Variants in UNC13B observed in about 807,000 individuals in gnomAD.
UNC13B encodes the protein unc-13 homolog B.
A neutral mutation model predicts 211.0 loss-of-function variants in UNC13B; 144 were observed. That is an observed-to-expected ratio of 0.68 (90% confidence interval 0.60 to 0.78). The LOEUF is 0.78. Among genes scored for constraint, UNC13B ranks in the 30% least tolerant of loss-of-function variants. UNC13B has a pLI of 0.00. For synonymous variants in UNC13B, 709 were observed against 725.8 expected, an observed-to-expected ratio of 0.98 and a Z score of 0.37; for missense variants, 1,777 against 2,002.0, an observed-to-expected ratio of 0.89 and a Z score of 2.14.
intron 11 of UNC13B, among the ~76,000 whole-genome samples, chr9:35,355,396 A>G (rs1832964240): frequency 6.6e-6 from 1 of 152,234 alleles, no homozygotes; most frequent in Non-Finnish European, 1.5e-5. Context: ...ATAAAGTTAC[A>G]TTTAAAAAAT....
At chr9:35,384,994 G>A (rs1835098537) in intron 22 of UNC13B, 1 of 965,154 alleles carries the variant, frequency 1.0e-6, no homozygotes, top group Non-Finnish European at 1.2e-6. Context: ...GGTTTTAATT[G>A]TCTGCACTCA....
chr9:35,403,222 A>G lies in UNC13B; in HGVS notation c.12540A>G (p.Thr4180=). ...TCTCTATTCAGGTGGACTTGTTTAC[A>G]CACCCTGGTACTGGGGAGCACAAGG... ...GEVSIQVDLF[T]HPGTGEHKVT... Residue 4180 remains threonine (T), a synonymous_variant, in exon 38 of 40, where the codon ACA becomes ACG. Transcript: ENST00000635942. 1 of 1,614,170 alleles carries G rather than the reference A, an allele frequency of 6.2e-7. No homozygotes were observed. The highest frequency in any genetic ancestry group is 1.1e-5 in the South Asian group (1 of 91,084).
chr9:35,308,260 G>A lies in UNC13B; in HGVS notation c.8856G>A (p.Gly2952=), dbSNP rs1180642240. The A allele has an allele frequency of 1.0e-5, 4 of 398,984 alleles. No individual in the cohort carries two copies. The highest frequency in any genetic ancestry group is 8.2e-5 in the African/African-American group (4 of 48,602). The allele number at this position is 398,984 out of a possible 1,614,324, so 24.7% of individuals were successfully genotyped here. ...ANLSSPACPS[G]KHEEEPSTVS... Reference sequence around the variant, plus strand: ...TGTCTAGCCCCGCCTGTCCTTCAGGGAAACATGAGGAAGAACCCTCCACTG... The same window carrying A: ...TGTCTAGCCCCGCCTGTCCTTCAGGAAAACATGAGGAAGAACCCTCCACTG... The change falls in exon 9 of 40, where the codon GGG becomes GGA. Residue 2952 remains glycine, a synonymous_variant. Coordinates refer to ENST00000635942, the MANE Select transcript of UNC13B (RefSeq NM_001371189.2).
chr9:35,173,099 A>C (rs1821421086), intron 1 of UNC13B, among the ~76,000 whole-genome samples: 1 of 152,198 alleles, frequency 6.6e-6, no homozygotes, highest in African/African-American at 2.4e-5. Context: ...GTTAGAGGGC[A>C]GGGAGGGAGA....
intron 11 of UNC13B, among the ~76,000 whole-genome samples, chr9:35,314,240 G>A (rs1338580075): frequency 2.6e-5 from 4 of 152,126 alleles, no homozygotes; most frequent in Non-Finnish European, 5.9e-5. Context: ...TTCAAGTACT[G>A]TTCATTGTCT....
At chr9:35,319,038 C>G (rs1349723932) in intron 11 of UNC13B, among the ~76,000 whole-genome samples, 11 of 152,174 alleles carry the variant, frequency 7.2e-5, no homozygotes, top group African/African-American at 2.7e-4. Context: ...AACTTCTACC[C>G]AGAAGTTATT....
intron 22 of UNC13B, chr9:35,385,276 A>G (rs747365520): frequency 3.1e-5 from 31 of 985,322 alleles, no homozygotes; most frequent in South Asian, 4.7e-5. Context: ...GCTGGGTTCT[A>G]TTGTACAAAA....
intron 6 of UNC13B, among the ~76,000 whole-genome samples, chr9:35,249,553 G>T (rs994982025): frequency 3.3e-5 from 5 of 152,062 alleles, no homozygotes; most frequent in Admixed American, 1.3e-4. Context: ...CATGCCTGGT[G>T]GTGACAAAAT....
At chr9:35,309,697 A>C (rs902986307) in intron 9 of UNC13B, among the ~76,000 whole-genome samples, 1 of 152,210 alleles carries the variant, frequency 6.6e-6, no homozygotes, top group Non-Finnish European at 1.5e-5. Flanking sequence ...ATAGAGATGC[A>C]TGAATACGGC....
chr9:35,348,728 A>G (rs941214446), intron 11 of UNC13B, among the ~76,000 whole-genome samples: 2 of 152,188 alleles, frequency 1.3e-5, no homozygotes, highest in Non-Finnish European at 2.9e-5. Context: ...ATATAATAAC[A>G]TTCCTGTAAT....
intron 6 of UNC13B, among the ~76,000 whole-genome samples, chr9:35,250,652 G>A (rs1826411278): frequency 6.6e-6 from 1 of 152,136 alleles, no homozygotes; most frequent in Non-Finnish European, 1.5e-5. Flanking sequence ...GTGGACATAT[G>A]TTTTCACTTC....
chr9:35,395,881 A>G (rs1298413803), intron 26 of UNC13B, among the ~76,000 whole-genome samples: 1 of 152,104 alleles, frequency 6.6e-6, no homozygotes, highest in Non-Finnish European at 1.5e-5. Context: ...TTCCCTGAGA[A>G]TTCATTTTTT....
intron 21 of UNC13B, among the ~76,000 whole-genome samples, chr9:35,382,975 A>G (rs4879894): frequency 0.081 from 12,283 of 152,226 alleles, 652 homozygotes; most frequent in East Asian, 0.3. Flanking sequence ...GGGTATGCGG[A>G]CTATACTAAT....
At position 35,381,194 on chromosome 9, in the gene UNC13B, G is replaced by T. The variant is rs2132255054; in HGVS notation, c.10470G>T (p.Val3490=). 1 of 1,614,030 alleles carries T rather than the reference G, an allele frequency of 6.2e-7. No homozygotes were observed. The highest frequency in any genetic ancestry group is 8.5e-7 in the Non-Finnish European group (1 of 1,179,978). ...KGEEKVAPYH[V]QYTCLHENLF... ...AGGAGAAAGTAGCCCCATACCACGTGCAGTATACATGTCTCCATGAGGTGA... is the reference window on the plus strand; with the variant it reads ...AGGAGAAAGTAGCCCCATACCACGTTCAGTATACATGTCTCCATGAGGTGA... Residue 3490 remains valine, a synonymous_variant, in exon 19 of 40, where the codon GTG becomes GTT. Transcript: ENST00000635942.
intron 7 of UNC13B, among the ~76,000 whole-genome samples, chr9:35,287,960 G>A (rs925171438): frequency 4.6e-5 from 7 of 151,416 alleles, no homozygotes; most frequent in East Asian, 1.9e-4. Context: ...TTTTTTTCTC[G>A]GTGAATGATG....
intron 8 of UNC13B, among the ~76,000 whole-genome samples, chr9:35,299,048 A>G (rs1268508938): frequency 6.6e-6 from 1 of 152,196 alleles, no homozygotes; most frequent in Non-Finnish European, 1.5e-5. Flanking sequence ...CCTGGCCAAC[A>G]TGGTGAAAAC....
chr9:35,391,752 G>A (rs1170823339), intron 26 of UNC13B, among the ~76,000 whole-genome samples: 1 of 152,194 alleles, frequency 6.6e-6, no homozygotes, highest in African/African-American at 2.4e-5. Flanking sequence ...GAAAACACCT[G>A]TGAAAAGTGA....
At chr9:35,274,261 T>TG (rs1461456241) in intron 7 of UNC13B, among the ~76,000 whole-genome samples, 1 of 152,064 alleles carries the variant, frequency 6.6e-6, no homozygotes, top group Non-Finnish European at 1.5e-5. Context: ...TTTGTAGAAA[T>TG]GGGGGTCTCA....
chr9:35,259,096 T>C (rs1827106409), intron 7 of UNC13B, 46 bp downstream of exon 7: 2 of 1,596,776 alleles, frequency 1.3e-6, no homozygotes, highest in East Asian at 4.5e-5. Flanking sequence ...TGTAGCTTTC[T>C]GTCGCTTCTC....
Sources: gnomAD v4.1 joint callset for allele counts (sites outside exome capture counted in the v4.1 genomes callset) on GRCh38, gnomAD v4.1.1 for gene constraint, MANE v1.5 for transcripts, NCBI Gene and HGNC (gene_info 2026-07-23, HGNC 2026-07-21) for gene names.